ATP7B: variants seen among roughly 807,000 people sequenced by gnomAD.
The protein encoded by ATP7B is copper-transporting ATPase 2.
A neutral mutation model predicts 118.9 loss-of-function variants in ATP7B; 113 were observed. The ratio of observed to expected loss-of-function variants is 0.95; its 90% CI spans 0.82 to 1.11. The LOEUF is 1.11. Ranked by LOEUF, ATP7B falls within the 50% of genes most tolerant of loss-of-function variation. The probability of loss-of-function intolerance (pLI) is 0.00; values close to 1 mark genes in which losing one functional copy is unlikely to be tolerated. For missense variants in ATP7B, 1,867 were observed against 1,871.4 expected (o/e 1.00, Z 0.04); for synonymous variants, 777 against 727.4 (o/e 1.07, Z -1.10).
At chr13:51,951,747 A>G (rs948315439) in intron 9 of ATP7B, among the ~76,000 whole-genome samples, 2 of 152,194 alleles carry the variant, frequency 1.3e-5, no homozygotes, top group Non-Finnish European at 2.9e-5. Context: ...ACGCTGCACA[A>G]GTAGTTCCAC....
intron 11 of ATP7B, 78 bp downstream of exon 11, chr13:51,949,929 C>G: frequency 1.2e-6 from 2 of 1,611,892 alleles, no homozygotes; most frequent in Non-Finnish European, 1.7e-6. Context: ...CTCAATAAAA[C>G]TGTCTGATTT....
intron 1 of ATP7B, among the ~76,000 whole-genome samples, chr13:51,988,229 C>T (rs1015180828): frequency 4.6e-5 from 7 of 151,834 alleles, no homozygotes; most frequent in African/African-American, 1.7e-4. Flanking sequence ...AAAACAACCC[C>T]ATCAAAAAGT....
intron 1 of ATP7B, among the ~76,000 whole-genome samples, chr13:51,979,401 G>A (rs1286015390): frequency 6.6e-6 from 1 of 152,168 alleles, no homozygotes; most frequent in Non-Finnish European, 1.5e-5. Flanking sequence ...AGCTGAAGGG[G>A]ACCAGGTGGC....
Position 51,968,863 on chromosome 13 carries a change from CTTTTTTT to C in ATP7B, c.1544-263_1544-257del, listed in dbSNP as rs201291586. On this transcript the variant is annotated intron_variant, in intron 3 of 20. Transcript: ENST00000242839. Reference sequence around the variant, plus strand: ...TGGCAGGCATCTTTTTTTCTTTTTTCTTTTTTTTTTTTTTTTGAGATGGAATCTCACT... The same window carrying C: ...TGGCAGGCATCTTTTTTTCTTTTTTCTTTTTTTTTGAGATGGAATCTCACT... Among the ~76,000 whole-genome samples the C allele has an allele frequency of 0.019, 2,413 of 128,664 alleles. 75 individuals carry two copies. Among genetic ancestry groups the C allele is most frequent in the Admixed American group, 0.096 (1,232 of 12,856 alleles). The allele number at this position is 128,664 out of a possible 152,430, so 84.4% of individuals were successfully genotyped here. A position where few individuals can be genotyped will look rare whatever the true frequency, so the allele number is the denominator to read the frequency against.
chr13:51,952,290 CCCAA>C (rs1350074894), intron 9 of ATP7B, among the ~76,000 whole-genome samples: 1 of 152,160 alleles, frequency 6.6e-6, no homozygotes, highest in African/African-American at 2.4e-5. Flanking sequence ...ATGGCATGGG[CCCAA>C]CAGAATTAAT....
chr13:51,980,744 T>C (rs912029723), intron 1 of ATP7B, among the ~76,000 whole-genome samples: 1 of 152,240 alleles, frequency 6.6e-6, no homozygotes, highest in Non-Finnish European at 1.5e-5. Context: ...TGATCACTCT[T>C]GGATTCCCAT....
intron 1 of ATP7B, among the ~76,000 whole-genome samples, chr13:52,008,247 G>A (rs1199981953): frequency 6.6e-6 from 1 of 152,224 alleles, no homozygotes; most frequent in African/African-American, 2.4e-5. Flanking sequence ...GGCTGAGGCC[G>A]GAGAATCACT....
At chr13:51,978,564 T>C (rs969478848) in intron 1 of ATP7B, among the ~76,000 whole-genome samples, 1 of 152,200 alleles carries the variant, frequency 6.6e-6, no homozygotes, top group Non-Finnish European at 1.5e-5. Flanking sequence ...GCCATGGAGA[T>C]ATTAAATGCT....
intron 5 of ATP7B, among the ~76,000 whole-genome samples, chr13:51,963,650 C>T (rs945471865): frequency 2.0e-5 from 3 of 149,924 alleles, no homozygotes; most frequent in Non-Finnish European, 3.0e-5. Flanking sequence ...GCAGGAGAAT[C>T]GCTTGATCCC....
intron 9 of ATP7B, among the ~76,000 whole-genome samples, chr13:51,955,850 G>A (rs905630369): frequency 2.0e-5 from 3 of 152,128 alleles, no homozygotes; most frequent in African/African-American, 7.2e-5. Context: ...AGCCCAGCAT[G>A]CCAGGTGCCG....
chr13:51,998,974 A>G (rs1953352773), intron 1 of ATP7B, among the ~76,000 whole-genome samples: 1 of 152,198 alleles, frequency 6.6e-6, no homozygotes, highest in Non-Finnish European at 1.5e-5. Flanking sequence ...CTGTGACAGG[A>G]CAGGAGGGCA....
At chr13:51,995,583 C>T (rs934906369) in intron 1 of ATP7B, among the ~76,000 whole-genome samples, 27 of 152,228 alleles carry the variant, frequency 1.8e-4, no homozygotes, top group African/African-American at 4.8e-4. Context: ...TCCCTCCTCA[C>T]TAAAGCAGTT....
In ATP7B at chr13:51,934,849, G is replaced by A. The variant is rs771736533; in HGVS notation, c.4305C>T (p.Ser1435=). ...CAGCGCTGTGCCGAGATGGCTTGTC[G>A]GACGTCAGGGAGGACAGCGACACCT... is the stretch of plus-strand genomic sequence containing the variant. ...VSQVSLSSLT[S]DKPSRHSAAA... Residue 1435 remains serine, a synonymous_variant, in exon 21 of 21, where the codon TCC becomes TCT. Coordinates refer to ENST00000242839, the MANE Select transcript of ATP7B (RefSeq NM_000053.4). 37 of 1,614,078 alleles carry A rather than the reference G, an allele frequency of 2.3e-5. No individual in the cohort carries two copies. The highest frequency in any genetic ancestry group is 8.9e-5 in the East Asian group (4 of 44,900).
At position 51,942,535 on chromosome 13, in the gene ATP7B, A is replaced by T. The variant is rs753250853; in HGVS notation, c.3263T>A (p.Leu1088Ter). The change falls in exon 15 of 21, where the codon TTG becomes TAG. Residue 1088 changes from leucine to a stop codon, truncating the protein, a stop_gained. Transcript: ENST00000242839. LOFTEE classifies it high-confidence loss of function. ...TGCCTGGAAGTCCGTGCAGTATCCC[A>T]AGGTCTCTGTTCCAAGTTCCTGGGA... ...YCKEELGTET[L>*]GYCTDFQAVP... 16 of 1,613,982 alleles carry T rather than the reference A, an allele frequency of 9.9e-6. No homozygotes were observed. Among genetic ancestry groups the T allele is most frequent in the Non-Finnish European group, 1.4e-5 (16 of 1,180,028 alleles).
At chr13:51,978,716 C>G (rs972639486) in intron 1 of ATP7B, 1 of 152,186 alleles carries the variant, frequency 6.6e-6, no homozygotes, top group East Asian at 1.9e-4. Flanking sequence ...ATATACTGCT[C>G]AGCAACAAAA....
rs199807461 is a variant in ATP7B, at chr13:51,974,022, T to C, written c.1198A>G (p.Thr400Ala). Residue 400 changes from threonine (T) to alanine (A), a missense_variant, in exon 2 of 21, where the codon ACA (threonine) becomes GCA (alanine). By Grantham distance (58) the Thr-to-Ala change is moderately conservative. Transcript: ENST00000242839. ...ATTACAGAGGGATTATAAAGAACTG[T>C]TGCAGTCCCTTCGGCCAAAGACACC... The part of the protein sequence containing the change: ...ISVSLAEGTA[T>A]VLYNPSVISP... 155 of 1,614,254 alleles carry C rather than the reference T, an allele frequency of 9.6e-5. No homozygotes were observed. In the African/African-American group the frequency reaches 1.7e-3, roughly 18 times the overall value.
intron 20 of ATP7B, 48 bp from the exon 21 acceptor site, chr13:51,935,077 C>CA (rs1956878781): frequency 1.1e-6 from 1 of 928,372 alleles, no homozygotes; most frequent in Admixed American, 2.7e-5. Flanking sequence ...AGAAACAAGG[C>CA]TTTTTTTTTT....
chr13:51,968,176 T>C (rs1159490648), intron 4 of ATP7B, among the ~76,000 whole-genome samples: 1 of 152,214 alleles, frequency 6.6e-6, no homozygotes, highest in East Asian at 1.9e-4. Context: ...CTGTTTCTTC[T>C]ATACTCCTGC....
chr13:51,960,406 T>C (rs1958656106), intron 6 of ATP7B, 84 bp from the exon 7 acceptor site: 5 of 1,510,668 alleles, frequency 3.3e-6, no homozygotes, highest in Non-Finnish European at 4.5e-6. Context: ...GAGGACACAG[T>C]TTAAGACCTG....
Sources: gnomAD v4.1 joint callset for allele counts (sites outside exome capture counted in the v4.1 genomes callset) on GRCh38, gnomAD v4.1.1 for gene constraint, MANE v1.5 for transcripts, NCBI Gene and HGNC (gene_info 2026-07-23, HGNC 2026-07-21) for gene names.